Variants in STK33 observed in about 807,000 individuals in gnomAD.
STK33 encodes the protein serine/threonine-protein kinase 33.
Under a neutral mutation model 58.0 loss-of-function variants are expected in STK33, and 52 were observed. The ratio of observed to expected loss-of-function variants is 0.90; its 90% CI spans 0.72 to 1.13. The LOEUF is 1.13. Ranked by LOEUF, STK33 falls within the 50% of genes most tolerant of loss-of-function variation. The pLI, the probability that STK33 is intolerant of heterozygous loss-of-function variation, is 0.00. For missense variants in STK33, 630 were observed against 604.2 expected (o/e 1.04, Z -0.45); for synonymous variants, 215 against 200.1 (o/e 1.07, Z -0.63).
intron 1 of STK33, among the ~76,000 whole-genome samples, chr11:8,505,115 C>A (rs1951778612): frequency 6.6e-6 from 1 of 152,194 alleles, no homozygotes; most frequent in Non-Finnish European, 1.5e-5. Context: ...TATTTACCAA[C>A]ACACCACTGG....
At chr11:8,474,257 TG>T (rs147580100) in intron 5 of STK33, among the ~76,000 whole-genome samples, 122 of 152,312 alleles carry the variant, frequency 8.0e-4, no homozygotes, top group African/African-American at 2.9e-3. Flanking sequence ...AAACTGATTT[TG>T]TAAAGTATAG....
chr11:8,378,358 A>C, the STK33 span, among the ~76,000 whole-genome samples: 1 of 152,210 alleles, frequency 6.6e-6, no homozygotes, highest in African/African-American at 2.4e-5. Context: ...GTCTCTAATA[A>C]AAACACAAAA....
intron 11 of STK33, among the ~76,000 whole-genome samples, chr11:8,444,014 T>C (rs1004887159): frequency 6.6e-6 from 1 of 151,518 alleles, no homozygotes; most frequent in East Asian, 1.9e-4. Flanking sequence ...TCCAAAAAAA[T>C]AAAATAAAAT....
At chr11:8,455,188 G>T (rs376206571) in intron 9 of STK33, among the ~76,000 whole-genome samples, 1 of 152,050 alleles carries the variant, frequency 6.6e-6, no homozygotes, top group Non-Finnish European at 1.5e-5. Flanking sequence ...CATATCCTTC[G>T]GTCTTCAAAT....
intron 14 of STK33, among the ~76,000 whole-genome samples, chr11:8,430,261 TGAA>T (rs1392157470): frequency 3.2e-4 from 49 of 152,336 alleles, no homozygotes; most frequent in South Asian, 1.9e-3. Context: ...TTTATGCCTT[TGAA>T]AAGTTATTTC....
intron 1 of STK33, among the ~76,000 whole-genome samples, chr11:8,485,898 T>C (rs1950163330): frequency 6.6e-6 from 1 of 152,232 alleles, no homozygotes; most frequent in South Asian, 2.1e-4. Flanking sequence ...TAGATAGCTT[T>C]ATTAACTAAA....
intron 1 of STK33, among the ~76,000 whole-genome samples, chr11:8,593,232 A>G (rs562414124): frequency 2.0e-5 from 3 of 152,332 alleles, no homozygotes; most frequent in African/African-American, 7.2e-5. Flanking sequence ...GAGAACAAGG[A>G]AAGAGTTTGG....
At chr11:8,469,138 T>C (rs1948528622) in intron 6 of STK33, among the ~76,000 whole-genome samples, 1 of 152,182 alleles carries the variant, frequency 6.6e-6, no homozygotes, top group Non-Finnish European at 1.5e-5. Context: ...AATTGACTCT[T>C]CCTTTCATAA....
intron 1 of STK33, among the ~76,000 whole-genome samples, chr11:8,569,749 G>A (rs1377381931): frequency 1.3e-5 from 2 of 152,076 alleles, no homozygotes; most frequent in African/African-American, 4.8e-5. Context: ...TTGAGCCCAG[G>A]AATTCAAGAC....
In STK33 at chr11:8,527,166, G is replaced by A. The variant is rs139004017; in HGVS notation, c.-465-46552C>T. Among the ~76,000 whole-genome samples the A allele has an allele frequency of 7.0e-4, 107 of 151,948 alleles. 1 individual carries two copies. Among genetic ancestry groups the A allele is most frequent in the African/African-American group, 2.4e-3 (101 of 41,448 alleles). On this transcript the variant is annotated intron_variant, in intron 1 of 15. Transcript: ENST00000687296. Reference sequence around the variant, plus strand: ...ATAGTATTTTTCATAGGAACGGACGGGTTTTCACCATCTTGGCCAGGCTGG... The same window carrying A: ...ATAGTATTTTTCATAGGAACGGACGAGTTTTCACCATCTTGGCCAGGCTGG...
intron 1 of STK33, among the ~76,000 whole-genome samples, chr11:8,592,022 C>T (rs915603584): frequency 6.6e-6 from 1 of 152,088 alleles, no homozygotes; most frequent in African/African-American, 2.4e-5. Context: ...CTCTGCCTTT[C>T]CTTGTCTGTC....
At chr11:8,420,319 A>T (rs1590908983) in intron 14 of STK33, among the ~76,000 whole-genome samples, 1 of 152,168 alleles carries the variant, frequency 6.6e-6, no homozygotes, top group East Asian at 1.9e-4. Flanking sequence ...TTTTCCTAAC[A>T]AAATCACCTC....
At chr11:8,460,259 A>G (rs758295412) in intron 8 of STK33, among the ~76,000 whole-genome samples, 2 of 152,200 alleles carry the variant, frequency 1.3e-5, no homozygotes, top group Non-Finnish European at 2.9e-5. Flanking sequence ...AAAAAACAAT[A>G]AATTGAAACT....
At chr11:8,366,070 T>A in the STK33 span, among the ~76,000 whole-genome samples, 1 of 152,226 alleles carries the variant, frequency 6.6e-6, no homozygotes, top group African/African-American at 2.4e-5. Flanking sequence ...AGGAAGACTT[T>A]CTCACGGCAC....
chr11:8,439,608 A>T (rs564357883), intron 12 of STK33, among the ~76,000 whole-genome samples: 1 of 151,738 alleles, frequency 6.6e-6, no homozygotes, highest in East Asian at 1.9e-4. Context: ...AGAGAAAAAG[A>T]ATACACACAT....
the STK33 span, among the ~76,000 whole-genome samples, chr11:8,386,591 C>G: frequency 6.6e-6 from 1 of 152,182 alleles, no homozygotes; most frequent in Non-Finnish European, 1.5e-5. Context: ...TGGCACCATC[C>G]CCCGCTGCTG....
At chr11:8,335,571 C>T in the STK33 span, among the ~76,000 whole-genome samples, 1 of 152,206 alleles carries the variant, frequency 6.6e-6, no homozygotes, top group Non-Finnish European at 1.5e-5. Context: ...TCCACTCTCT[C>T]ATAACATAGA....
At chr11:8,353,744 G>T in the STK33 span, among the ~76,000 whole-genome samples, 1 of 152,164 alleles carries the variant, frequency 6.6e-6, no homozygotes, top group Non-Finnish European at 1.5e-5. Flanking sequence ...TACCCTTGCA[G>T]CCTGGATGGA....
At chr11:8,390,318 C>T (rs1403861990), downstream of STK33, among the ~76,000 whole-genome samples, 1 of 152,216 alleles carries the variant, frequency 6.6e-6, no homozygotes, top group Non-Finnish European at 1.5e-5. Context: ...CAGCAAAACC[C>T]AGCTCCCCAT....
Sources: allele counts gnomAD v4.1 joint callset (sites outside exome capture counted in the v4.1 genomes callset), GRCh38; gene constraint gnomAD v4.1.1; transcripts MANE v1.5; gene names NCBI Gene and HGNC (gene_info 2026-07-23, HGNC 2026-07-21).